Variants in GLIS3 observed in about 807,000 individuals in gnomAD.
The protein encoded by GLIS3 is GLIS family zinc finger 3.
Under a neutral mutation model 78.6 loss-of-function variants are expected in GLIS3, and 53 were observed. The observed-to-expected ratio is 0.67, with a 90% CI of 0.54 to 0.85. The LOEUF is 0.85. Ranked by LOEUF, GLIS3 falls within the 40% of genes least tolerant of loss-of-function variation. The pLI is 0.00. For missense variants in GLIS3, 1,703 were observed against 1,231.1 expected (o/e 1.38, Z -5.74); for synonymous variants, 684 against 509.9 (o/e 1.34, Z -4.60).
intron 8 of GLIS3, among the ~76,000 whole-genome samples, chr9:3,865,760 A>T (rs1011259985): frequency 1.3e-5 from 2 of 152,210 alleles, no homozygotes; most frequent in East Asian, 3.8e-4. Context: ...AAACAAAATA[A>T]AGATGGTTGA....
chr9:3,982,456 C>T (rs761669831), intron 4 of GLIS3, among the ~76,000 whole-genome samples: 19 of 152,166 alleles, frequency 1.2e-4, no homozygotes, highest in Non-Finnish European at 1.9e-4. Context: ...CAAAGTTTTG[C>T]TACTTACTAC....
the GLIS3 span, among the ~76,000 whole-genome samples, chr9:4,434,651 G>A: frequency 6.6e-6 from 1 of 152,148 alleles, no homozygotes; most frequent in Non-Finnish European, 1.5e-5. Context: ...CTAGAGGTGT[G>A]TATTTTCCAA....
At chr9:3,934,723 G>C (rs1040941000) in intron 5 of GLIS3, among the ~76,000 whole-genome samples, 3 of 152,032 alleles carry the variant, frequency 2.0e-5, no homozygotes, top group Admixed American at 1.3e-4. Context: ...GTTTGATTTT[G>C]AGATGTTCTT....
intron 4 of GLIS3, among the ~76,000 whole-genome samples, chr9:4,115,902 C>T (rs998780563): frequency 1.3e-5 from 2 of 152,082 alleles, no homozygotes; most frequent in African/African-American, 2.4e-5. Context: ...GTGGGCAGAT[C>T]AGAGGAAGAG....
At chr9:4,188,643 G>C (rs1359763430) in intron 2 of GLIS3, among the ~76,000 whole-genome samples, 1 of 152,136 alleles carries the variant, frequency 6.6e-6, no homozygotes, top group Admixed American at 6.5e-5. Flanking sequence ...TTTTTGGTTG[G>C]TAAGCTACTG....
chr9:4,327,324 G>C (rs186857919), intron 2 of GLIS3, among the ~76,000 whole-genome samples: 1 of 152,142 alleles, frequency 6.6e-6, no homozygotes, highest in African/African-American at 2.4e-5. Flanking sequence ...GAGCAAAGAG[G>C]AGTCATTAGA....
In GLIS3 at chr9:4,118,031, G is replaced by C. The variant is rs752451798; in HGVS notation, c.1447C>G (p.Pro483Ala). 10 of 1,599,646 alleles carry C rather than the reference G, an allele frequency of 6.3e-6. No individual in the cohort carries two copies. In the East Asian group the frequency reaches 1.8e-4, roughly 29 times the overall value. Residue 483 changes from proline (P) to alanine (A), a missense_variant, in exon 4 of 11, where the codon CCC (proline) becomes GCC (alanine). Coordinates refer to ENST00000381971, the MANE Select transcript of GLIS3 (RefSeq NM_001042413.2). The surrounding 1 kb of genome is among the most constrained non-coding windows in gnomAD (Gnocchi z 4.7). ...LGPHAQQLAL[P>A]QATLDDDGEM... ...CCGTCGTCGTCCAGGGTGGCCTGGGGCAAGGCCAGCTGCTGGGCGTGGGGC... is the reference window on the plus strand; with the variant it reads ...CCGTCGTCGTCCAGGGTGGCCTGGGCCAAGGCCAGCTGCTGGGCGTGGGGC...
chr9:4,141,843 G>C (rs1833840273), intron 2 of GLIS3, among the ~76,000 whole-genome samples: 1 of 152,130 alleles, frequency 6.6e-6, no homozygotes, highest in African/African-American at 2.4e-5. Context: ...TCAACACACA[G>C]GCAATCTGGC....
chr9:4,290,305 C>T (rs919803342), intron 1 of GLIS3, among the ~76,000 whole-genome samples: 8 of 152,154 alleles, frequency 5.3e-5, no homozygotes, highest in African/African-American at 1.9e-4. Context: ...TAATGAGGCA[C>T]AAAATACTGG....
intron 2 of GLIS3, among the ~76,000 whole-genome samples, chr9:4,205,249 CCT>C (rs79332885): frequency 0.094 from 14,241 of 151,170 alleles, 782 homozygotes; most frequent in East Asian, 0.22. Context: ...TGCTCAAAAC[CCT>C]CTCTCTCTCT....
intron 2 of GLIS3, among the ~76,000 whole-genome samples, chr9:4,236,992 C>T (rs1230909530): frequency 1.3e-5 from 2 of 152,022 alleles, no homozygotes; most frequent in Non-Finnish European, 2.9e-5. Context: ...CTAGGGAATC[C>T]TTCACTCTGT....
chr9:4,381,664 T>G, the GLIS3 span, among the ~76,000 whole-genome samples: 2 of 152,352 alleles, frequency 1.3e-5, no homozygotes, highest in East Asian at 3.9e-4. Context: ...TTCATTTTAC[T>G]TGGTGCATCA....
chr9:4,109,327 C>T (rs1476742195), intron 4 of GLIS3, among the ~76,000 whole-genome samples: 1 of 152,188 alleles, frequency 6.6e-6, no homozygotes, highest in Non-Finnish European at 1.5e-5. Flanking sequence ...TGTATGCAGC[C>T]TCTGTCCACA....
chr9:4,150,624 G>C lies in GLIS3; in HGVS notation c.389-24683C>G, dbSNP rs536125408. 2.2e-4 allele frequency among the ~76,000 whole-genome samples: 33 copies of C among 152,276 alleles called. No individual in the cohort carries two copies. In the East Asian group the frequency reaches 6.2e-3, roughly 29 times the overall value. On this transcript the variant is annotated intron_variant, in intron 2 of 10. Transcript: ENST00000381971. ...ATCTTAAAAGACTATCTTTAAACCA[G>C]AATAGATGATGAAACAATTTCAAGG...
the GLIS3 span, among the ~76,000 whole-genome samples, chr9:4,465,487 T>C: frequency 6.6e-6 from 1 of 152,112 alleles, no homozygotes; most frequent in African/African-American, 2.4e-5. Context: ...AGACAGAGGC[T>C]GTAGTGAGCC....
At chr9:4,030,165 C>T (rs571812928) in intron 4 of GLIS3, among the ~76,000 whole-genome samples, 11 of 152,192 alleles carry the variant, frequency 7.2e-5, no homozygotes, top group Admixed American at 5.9e-4. Flanking sequence ...GATATCGCCT[C>T]GTAGTTTTGA....
At chr9:4,181,401 C>T (rs991833973) in intron 2 of GLIS3, among the ~76,000 whole-genome samples, 22 of 152,252 alleles carry the variant, frequency 1.4e-4, no homozygotes, top group African/African-American at 5.3e-4. Context: ...CTGGTAACAG[C>T]CAGGTAGTCC....
intron 8 of GLIS3, among the ~76,000 whole-genome samples, chr9:3,878,302 A>C (rs1821463647): frequency 6.6e-6 from 1 of 152,070 alleles, no homozygotes; most frequent in Middle Eastern, 3.2e-3. Flanking sequence ...GCCTGTCCTC[A>C]CCATTCAAAC....
the GLIS3 span, among the ~76,000 whole-genome samples, chr9:4,385,727 GAAAGAAAGAAAA>G: frequency 7.8e-4 from 32 of 41,044 alleles, 7 homozygotes; most frequent in Non-Finnish European, 1.3e-3. Context: ...GAGAGAGAAA[GAAAGAAAGAAAA>G]AGAAAGAAAG....
Sources: allele counts gnomAD v4.1 joint callset (sites outside exome capture counted in the v4.1 genomes callset), GRCh38; gene constraint gnomAD v4.1.1; non-coding constraint Gnocchi (gnomAD v3.1); transcripts MANE v1.5; gene names NCBI Gene and HGNC (gene_info 2026-07-23, HGNC 2026-07-21).